Variants in CTNNA3 observed in about 807,000 individuals in gnomAD.
The protein encoded by CTNNA3 is catenin alpha 3, also known as catenin alpha-3.
Under a neutral mutation model 95.7 loss-of-function variants are expected in CTNNA3, and 76 were observed. The observed-to-expected ratio is 0.79, with a 90% CI of 0.66 to 0.96. CTNNA3 has a LOEUF of 0.96. CTNNA3 is among the 40% of genes least tolerant of loss of function. The pLI is 0.00. For synonymous variants in CTNNA3, 431 were observed against 374.4 expected (o/e 1.15, Z -1.74); for missense variants, 1,191 against 1,089.8 (o/e 1.09, Z -1.31).
intron 7 of CTNNA3, among the ~76,000 whole-genome samples, chr10:66,903,337 C>T (rs1260941814): frequency 1.1e-4 from 16 of 152,104 alleles, no homozygotes; most frequent in Non-Finnish European, 1.5e-5. Flanking sequence ...GCCCTTCCTG[C>T]TAAAAACTCT....
chr10:66,289,204 C>T (rs891881047), intron 12 of CTNNA3, among the ~76,000 whole-genome samples: 16 of 151,482 alleles, frequency 1.1e-4, no homozygotes, highest in African/African-American at 3.2e-4. Flanking sequence ...GATTCAATCT[C>T]ATTGATAGTT....
intron 15 of CTNNA3, among the ~76,000 whole-genome samples, chr10:66,062,996 G>C (rs2080233439): frequency 6.6e-6 from 1 of 151,928 alleles, no homozygotes; most frequent in East Asian, 1.9e-4. Context: ...TTAGGAGGGA[G>C]ACATGTACAG....
intron 13 of CTNNA3, among the ~76,000 whole-genome samples, chr10:66,115,048 A>T (rs2082271606): frequency 6.6e-6 from 1 of 152,162 alleles, no homozygotes; most frequent in African/African-American, 2.4e-5. Context: ...AAAAACAAGC[A>T]ATGAGTGTTA....
rs549112632 is a variant in CTNNA3 at position 66,840,277 on chromosome 10, C to G, written c.1048-64753G>C. ...TAATGTCAGGCAGACTCTGGCTTACCCTTAACTTAAGGACTTAGATCCTGC... is the reference window on the plus strand; with the variant it reads ...TAATGTCAGGCAGACTCTGGCTTACGCTTAACTTAAGGACTTAGATCCTGC... On this transcript the variant is annotated intron_variant, in intron 7 of 17. Coordinates refer to ENST00000433211, the MANE Select transcript of CTNNA3 (RefSeq NM_013266.4). Among the ~76,000 whole-genome samples, 5 of 146,654 alleles carry G rather than the reference C, an allele frequency of 3.4e-5. No homozygotes were observed. The Admixed American group carries it at 3.4e-4, about 10-fold the overall frequency.
intron 11 of CTNNA3, among the ~76,000 whole-genome samples, chr10:66,436,501 C>CTTTTTTTTTT (rs34165061): frequency 2.6e-3 from 155 of 60,390 alleles, no homozygotes; most frequent in African/African-American, 4.6e-3. Context: ...ACAATCCCTG[C>CTTTTTTTTTT]TTTTTTTTTT....
intron 13 of CTNNA3, among the ~76,000 whole-genome samples, chr10:66,191,044 A>T (rs946461230): frequency 9.9e-5 from 15 of 152,142 alleles, no homozygotes; most frequent in African/African-American, 3.6e-4. Context: ...AAGTCAGAAT[A>T]TTATACTTTC....
intron 13 of CTNNA3, among the ~76,000 whole-genome samples, chr10:66,272,211 C>G (rs1193372193): frequency 6.6e-6 from 1 of 152,158 alleles, no homozygotes; most frequent in Non-Finnish European, 1.5e-5. Context: ...CAAACTGGTC[C>G]TGACACTAGA....
At chr10:67,413,638 T>C (rs962126985) in intron 5 of CTNNA3, among the ~76,000 whole-genome samples, 4 of 152,126 alleles carry the variant, frequency 2.6e-5, no homozygotes, top group Admixed American at 2.6e-4. Context: ...ATTCTTCTCA[T>C]CTGCACACAG....
At chr10:65,939,410 G>A (rs1378567295) in intron 17 of CTNNA3, among the ~76,000 whole-genome samples, 1 of 152,108 alleles carries the variant, frequency 6.6e-6, no homozygotes, top group Non-Finnish European at 1.5e-5. Flanking sequence ...GTCCTCCACA[G>A]ACCCTTTAAA....
At chr10:67,342,914 G>A (rs1328319530) in intron 5 of CTNNA3, among the ~76,000 whole-genome samples, 1 of 151,010 alleles carries the variant, frequency 6.6e-6, no homozygotes, top group East Asian at 1.9e-4. Flanking sequence ...TTCTTTTTTT[G>A]GATGGCTTTG....
intron 7 of CTNNA3, among the ~76,000 whole-genome samples, chr10:66,911,699 G>T (rs1030302087): frequency 1.3e-5 from 2 of 152,114 alleles, no homozygotes; most frequent in African/African-American, 4.8e-5. Context: ...ATGTGAATTG[G>T]ACAAAATAAT....
chr10:67,496,939 TA>T (rs1839042295), intron 5 of CTNNA3, among the ~76,000 whole-genome samples: 1 of 152,268 alleles, frequency 6.6e-6, no homozygotes, highest in African/African-American at 2.4e-5. Flanking sequence ...TATCTTTTTT[TA>T]AAAAAATTAC....
intron 7 of CTNNA3, among the ~76,000 whole-genome samples, chr10:67,146,898 C>T (rs1349148238): frequency 6.6e-6 from 1 of 152,044 alleles, no homozygotes; most frequent in Non-Finnish European, 1.5e-5. Context: ...ATTATGTTAC[C>T]ATTGCCTACA....
At chr10:67,293,079 G>A (rs970772468) in intron 5 of CTNNA3, among the ~76,000 whole-genome samples, 1 of 152,126 alleles carries the variant, frequency 6.6e-6, no homozygotes, top group African/African-American at 2.4e-5. Context: ...TAAATGGAAA[G>A]AAGTTATAAA....
At chr10:67,714,757 T>G (rs574199940) in intron 1 of CTNNA3, among the ~76,000 whole-genome samples, 1 of 152,294 alleles carries the variant, frequency 6.6e-6, no homozygotes, top group East Asian at 1.9e-4. Flanking sequence ...TTCCCACATA[T>G]TGTGGGAGGG....
chr10:66,356,066 T>C (rs1049036980), intron 12 of CTNNA3, among the ~76,000 whole-genome samples: 15 of 151,736 alleles, frequency 9.9e-5, no homozygotes, highest in Non-Finnish European at 2.1e-4. Context: ...TATAGTTTTA[T>C]AGTGCAAGTC....
chr10:67,342,732 C>G (rs534008655), intron 5 of CTNNA3, among the ~76,000 whole-genome samples: 15 of 152,142 alleles, frequency 9.9e-5, no homozygotes, highest in African/African-American at 3.6e-4. Context: ...GCACCTTTGT[C>G]GAAAATGAGT....
chr10:67,545,073 GT>G (rs61552682), intron 3 of CTNNA3, among the ~76,000 whole-genome samples: 1 of 151,906 alleles, frequency 6.6e-6, no homozygotes, highest in Non-Finnish European at 1.5e-5. Flanking sequence ...ACTAATCTGT[GT>G]TTTTTTATTA....
chr10:66,153,752 C>T (rs935909952), intron 13 of CTNNA3, among the ~76,000 whole-genome samples: 2 of 151,812 alleles, frequency 1.3e-5, no homozygotes, highest in African/African-American at 4.8e-5. Flanking sequence ...ACTGTCCTTA[C>T]ACTAAGACTA....
Sources: allele counts gnomAD v4.1 joint callset (sites outside exome capture counted in the v4.1 genomes callset), GRCh38; gene constraint gnomAD v4.1.1; transcripts MANE v1.5; gene names NCBI Gene and HGNC (gene_info 2026-07-23, HGNC 2026-07-21).